The following ACVR1 variants were observed in gnomAD, a reference collection of about 807,000 sequenced individuals.
ACVR1 encodes activin A receptor type 1, also known as activin receptor type-1.
ACVR1 carries 38 observed loss-of-function variants against 57.1 expected under a neutral mutation model. That is an observed-to-expected ratio of 0.67 (90% CI 0.51 to 0.87). The LOEUF (loss-of-function observed/expected upper bound fraction) is 0.87, where lower values mean the gene tolerates loss of function less well. Among genes scored for constraint, ACVR1 ranks in the 40% least tolerant of loss-of-function variants. The pLI is 0.00. For synonymous variants in ACVR1, 212 were observed against 228.1 expected, an observed-to-expected ratio of 0.93 and a Z score of 0.63; for missense variants, 463 against 638.2, an observed-to-expected ratio of 0.73 and a Z score of 2.96.
intron 3 of ACVR1, among the ~76,000 whole-genome samples, chr2:157,781,287 T>C (rs1194662749): frequency 6.6e-6 from 1 of 152,190 alleles, no homozygotes; most frequent in Non-Finnish European, 1.5e-5. Flanking sequence ...CTATTGAGCA[T>C]TGGGTCAATG....
chr2:157,810,620 G>A (rs1687718897), intron 2 of ACVR1, among the ~76,000 whole-genome samples: 1 of 152,118 alleles, frequency 6.6e-6, no homozygotes, highest in Non-Finnish European at 1.5e-5. Context: ...TGGCAGTGGG[G>A]GGCCTAAGCA....
rs140005003 is a variant in ACVR1, at chr2:157,737,217, T to G, written c.*314A>C. ...ACTTGTGAAAGCTATGCAAAGCCAC[T>G]GACTTAATGCCCAGATCTCTTTTAG... On this transcript the variant is annotated 3_prime_UTR_variant, in exon 11 of 11. Coordinates refer to ENST00000434821, the MANE Select transcript of ACVR1 (RefSeq NM_001111067.4). The G allele has an allele frequency of 2.6e-4, 118 of 459,474 alleles. 2 individuals carry two copies. The East Asian group carries it at 5.0e-3, about 20-fold the overall frequency. The allele number at this position is 459,474 out of a possible 1,614,324, so 28.5% of individuals were successfully genotyped here. A position where few individuals can be genotyped will look rare whatever the true frequency, so the allele number is the denominator to read the frequency against.
At chr2:157,756,836 A>G (rs1327712749) in intron 9 of ACVR1, among the ~76,000 whole-genome samples, 1 of 151,674 alleles carries the variant, frequency 6.6e-6, no homozygotes, top group Non-Finnish European at 1.5e-5. Context: ...CTATACGAAG[A>G]AGATACTTGT....
intron 1 of ACVR1, among the ~76,000 whole-genome samples, chr2:157,831,213 T>C (rs908687195): frequency 3.3e-5 from 5 of 152,206 alleles, no homozygotes; most frequent in Admixed American, 6.5e-5. Flanking sequence ...TGTTATTCAA[T>C]TTACTTTAAT....
chr2:157,759,487 A>C (rs149717293), intron 9 of ACVR1, among the ~76,000 whole-genome samples: 2,113 of 152,228 alleles, frequency 0.014, 54 homozygotes, highest in African/African-American at 0.047. Context: ...AGAAAACCTC[A>C]GGATTGGATG....
intron 1 of ACVR1, chr2:157,826,764 A>G (rs1372279595): frequency 1.0e-5 from 1 of 98,822 alleles, no homozygotes; most frequent in African/African-American, 5.6e-5. Context: ...AGGAAAGGAA[A>G]GGAAAGGAAA....
At chr2:157,874,259 G>C (rs145411019) in intron 1 of ACVR1, among the ~76,000 whole-genome samples, 156 of 152,284 alleles carry the variant, frequency 1.0e-3, no homozygotes, top group African/African-American at 3.6e-3. Flanking sequence ...AGCTTCAAAA[G>C]AATTCCATTT....
rs34836683 is a variant in ACVR1, at chr2:157,860,914, T to C, written c.-183+14882A>G. The stretch of plus-strand genomic sequence containing the variant: ...AAAGCTGATTCTGATCCAGCAGGAT[T>C]TGAGGTAAGCCTGAGACTCTGTGTT... On this transcript the variant is annotated intron_variant, in intron 1 of 10. Coordinates refer to ENST00000434821, the MANE Select transcript of ACVR1 (RefSeq NM_001111067.4). Among the ~76,000 whole-genome samples the C allele has an allele frequency of 1.6e-4, 25 of 152,292 alleles. No individual in the cohort carries two copies. In the East Asian group the frequency reaches 3.3e-3, roughly 20 times the overall value.
intron 1 of ACVR1, among the ~76,000 whole-genome samples, chr2:157,830,562 A>T (rs1688545728): frequency 6.6e-6 from 1 of 152,196 alleles, no homozygotes; most frequent in South Asian, 2.1e-4. Context: ...ATTTGAAAAC[A>T]AAGTATTCCC....
chr2:157,749,531 A>T (rs1172613670), intron 9 of ACVR1, among the ~76,000 whole-genome samples: 1 of 152,224 alleles, frequency 6.6e-6, no homozygotes, highest in African/African-American at 2.4e-5. Flanking sequence ...TACCTAGAAA[A>T]TAGCAGAATT....
At chr2:157,874,139 T>C (rs1477751944) in intron 1 of ACVR1, among the ~76,000 whole-genome samples, 1 of 152,220 alleles carries the variant, frequency 6.6e-6, no homozygotes, top group African/African-American at 2.4e-5. Flanking sequence ...TTGTCACCTA[T>C]CCAGAATTTA....
intron 3 of ACVR1, among the ~76,000 whole-genome samples, chr2:157,783,323 C>T (rs1274399835): frequency 6.6e-6 from 1 of 152,142 alleles, no homozygotes; most frequent in African/African-American, 2.4e-5. Context: ...TTTTGACAGG[C>T]TGTGCAGGGA....
At chr2:157,758,344 C>A (rs1256764081) in intron 9 of ACVR1, among the ~76,000 whole-genome samples, 1 of 151,894 alleles carries the variant, frequency 6.6e-6, no homozygotes, top group Non-Finnish European at 1.5e-5. Context: ...CCTGTGAAAC[C>A]CACAGATACA....
At chr2:157,839,337 G>T (rs1227380169) in intron 1 of ACVR1, among the ~76,000 whole-genome samples, 1 of 152,216 alleles carries the variant, frequency 6.6e-6, no homozygotes, top group African/African-American at 2.4e-5. Context: ...AATGAATGCT[G>T]TCAGATAAGG....
chr2:157,737,688 C>T, intron 10 of ACVR1, 23 bp from the exon 11 acceptor site: 1 of 1,614,024 alleles, frequency 6.2e-7, no homozygotes, highest in African/African-American at 1.3e-5. Flanking sequence ...AGAACAAACA[C>T]CACAATGACA....
chr2:157,799,330 G>GT (rs1484096428), intron 3 of ACVR1, 97 bp downstream of exon 3: 4 of 800,896 alleles, frequency 5.0e-6, no homozygotes, highest in Non-Finnish European at 8.6e-6. Flanking sequence ...TAAAAAGAGT[G>GT]TTTTAAGTTT....
chr2:157,786,017 G>A (rs1686698765), intron 3 of ACVR1, among the ~76,000 whole-genome samples: 1 of 152,114 alleles, frequency 6.6e-6, no homozygotes, highest in African/African-American at 2.4e-5. Flanking sequence ...TCTTCTTCCT[G>A]CTTAGGGATC....
intron 9 of ACVR1, among the ~76,000 whole-genome samples, chr2:157,749,826 G>A (rs548858750): frequency 1.2e-4 from 19 of 152,250 alleles, no homozygotes; most frequent in African/African-American, 3.9e-4. Context: ...GCACAATTTC[G>A]AAGGGTCTAG....
chr2:157,769,200 T>C (rs753400945), intron 7 of ACVR1, among the ~76,000 whole-genome samples: 1 of 152,188 alleles, frequency 6.6e-6, no homozygotes, highest in Non-Finnish European at 1.5e-5. Context: ...AGTAACTGAA[T>C]GGGGCATACT....
Sources: gnomAD v4.1 joint callset for allele counts (sites outside exome capture counted in the v4.1 genomes callset) on GRCh38, gnomAD v4.1.1 for gene constraint, MANE v1.5 for transcripts, NCBI Gene and HGNC (gene_info 2026-07-23, HGNC 2026-07-21) for gene names.